ARHGAP18: variants seen among roughly 807,000 people sequenced by gnomAD.
The protein encoded by ARHGAP18 is rho GTPase-activating protein 18.
Under a neutral mutation model 86.2 loss-of-function variants are expected in ARHGAP18, and 67 were observed. The observed-to-expected ratio is 0.78, with a 90% confidence interval of 0.64 to 0.95. The LOEUF is 0.95. Ranked by LOEUF, ARHGAP18 falls within the 40% of genes least tolerant of loss-of-function variation. The pLI, the probability that ARHGAP18 is intolerant of heterozygous loss-of-function variation, is 0.00. For synonymous variants in ARHGAP18, 283 were observed against 280.4 expected, an observed-to-expected ratio of 1.01 and a Z score of -0.09; for missense variants, 691 against 780.4, an observed-to-expected ratio of 0.89 and a Z score of 1.37.
chr6:129,687,787 A>G (rs2051632), intron 1 of ARHGAP18, among the ~76,000 whole-genome samples: 75,053 of 145,504 alleles, frequency 0.52, 18,764 homozygotes, highest in Admixed American at 0.57. Flanking sequence ...TAGTAACCAA[A>G]CATTTTTTTT....
Position 129,608,064 on chromosome 6 carries a change from GAAAAAAAAAAAA to G in ARHGAP18, c.1123-24_1123-13del. 1.0e-6 allele frequency: 1 copy of G among 981,364 alleles called. No homozygotes were observed. 60.8% of individuals were successfully genotyped at this position (981,364 alleles called of 1,614,324 possible). A position where few individuals can be genotyped will look rare whatever the true frequency, so the allele number is the denominator to read the frequency against. Reference sequence around the variant, plus strand: ...TCTTGGCAAAGATTCTGATAGGCACGAAAAAAAAAAAAAAAAAAAAAAGAAGCAGCTAGAAGT... The same window carrying G: ...TCTTGGCAAAGATTCTGATAGGCACGAAAAAAAAAAGAAGCAGCTAGAAGT... On this transcript the variant is annotated splice_polypyrimidine_tract_variant and intron_variant, in intron 8 of 14. Coordinates refer to ENST00000368149, the MANE Select transcript of ARHGAP18 (RefSeq NM_033515.3).
intron 8 of ARHGAP18, among the ~76,000 whole-genome samples, chr6:129,610,326 C>A (rs1788950753): frequency 6.6e-6 from 1 of 152,202 alleles, no homozygotes; most frequent in Non-Finnish European, 1.5e-5. Flanking sequence ...GAAGCTTTAT[C>A]CCCCAGGCCA....
rs780873132 is a variant in ARHGAP18 at position 129,642,036 on chromosome 6, C to A, written c.114-18G>T. On this transcript the variant is annotated intron_variant, in intron 1 of 14. Coordinates refer to ENST00000368149, the MANE Select transcript of ARHGAP18 (RefSeq NM_033515.3). Reference sequence around the variant, plus strand: ...ATCTGCGACTGTAAATTCAAAAGAACCCATGGTTTATTTTAGTACAAAAGG... The same window carrying A: ...ATCTGCGACTGTAAATTCAAAAGAAACCATGGTTTATTTTAGTACAAAAGG... 9.9e-6 allele frequency: 16 copies of A among 1,608,962 alleles called. No individual in the cohort carries two copies. Among genetic ancestry groups the A allele is most frequent in the Non-Finnish European group, 1.4e-5 (16 of 1,176,424 alleles).
At chr6:129,685,431 T>C (rs972263620) in intron 1 of ARHGAP18, among the ~76,000 whole-genome samples, 5 of 151,876 alleles carry the variant, frequency 3.3e-5, no homozygotes, top group African/African-American at 1.2e-4. Flanking sequence ...CACTTAAACC[T>C]GGGAGCCAGG....
intron 1 of ARHGAP18, among the ~76,000 whole-genome samples, chr6:129,708,985 A>G (rs1260432495): frequency 2.0e-5 from 3 of 152,222 alleles, no homozygotes; most frequent in Admixed American, 1.3e-4. Flanking sequence ...CTGGGAGTCT[A>G]ACACTGAGTA....
At chr6:129,684,522 G>T (rs6920979) in intron 1 of ARHGAP18, among the ~76,000 whole-genome samples, 51,694 of 152,080 alleles carry the variant, frequency 0.34, 9,273 homozygotes, top group South Asian at 0.46. Flanking sequence ...GTAGGGCAAA[G>T]TTTTGAAAGT....
Position 129,641,829 on chromosome 6 carries a change from G to T in ARHGAP18, c.303C>A (p.Val101=). ...NSQEDQEVVV[V]KEPDEGELEE... is the part of the protein sequence containing the mutation. ...GTTAGTTATTACCATCAGGCTCTTT[G>T]ACAACAACCACCTCTTGATCTTCTT... The change falls in exon 2 of 15, where the codon GTC becomes GTA. Residue 101 remains valine, a synonymous_variant. Transcript: ENST00000368149. 6.2e-7 allele frequency: 1 copy of T among 1,612,984 alleles called. No individual in the cohort carries two copies. Among genetic ancestry groups the T allele is most frequent in the South Asian group, 1.1e-5 (1 of 90,958 alleles).
intron 1 of ARHGAP18, among the ~76,000 whole-genome samples, chr6:129,693,483 TCTG>T (rs1486788998): frequency 6.6e-6 from 1 of 152,150 alleles, no homozygotes; most frequent in African/African-American, 2.4e-5. Context: ...GGCTTTCTCT[TCTG>T]CTCTATCTAC....
intron 12 of ARHGAP18, among the ~76,000 whole-genome samples, chr6:129,590,918 T>C (rs1216241882): frequency 6.6e-6 from 1 of 152,206 alleles, no homozygotes; most frequent in Non-Finnish European, 1.5e-5. Context: ...TTTGACTCAA[T>C]ATGGATATAC....
intron 1 of ARHGAP18, among the ~76,000 whole-genome samples, chr6:129,695,871 C>T (rs1774608595): frequency 6.6e-6 from 1 of 152,150 alleles, no homozygotes; most frequent in Non-Finnish European, 1.5e-5. Flanking sequence ...CCACCCGCCC[C>T]ACCCACCTAC....
At chr6:129,613,000 G>A (rs558123161) in intron 7 of ARHGAP18, among the ~76,000 whole-genome samples, 2 of 152,144 alleles carry the variant, frequency 1.3e-5, no homozygotes, top group Admixed American at 6.5e-5. Context: ...TTGGGAGGGC[G>A]AGGCGGGCGG....
Position 129,618,686 on chromosome 6 carries a change from C to A in ARHGAP18, c.952+1G>T. On this transcript the variant is annotated splice_donor_variant, in intron 6 of 14. Coordinates refer to ENST00000368149, the MANE Select transcript of ARHGAP18 (RefSeq NM_033515.3). LOFTEE classifies it high-confidence loss of function. ...CCAAGGGTTTATCATTTCATGATTA[C>A]CTTTTGTTTTGATTTTCACAGCTTT... 2.5e-6 allele frequency: 4 copies of A among 1,601,042 alleles called. No individual in the cohort carries two copies. Among genetic ancestry groups the A allele is most frequent in the Non-Finnish European group, 3.4e-6 (4 of 1,173,014 alleles).
intron 12 of ARHGAP18, among the ~76,000 whole-genome samples, chr6:129,597,085 G>A (rs1304922896): frequency 6.6e-6 from 1 of 151,310 alleles, no homozygotes; most frequent in African/African-American, 2.4e-5. Flanking sequence ...TGCTTTGTGT[G>A]TCTATTTACT....
At chr6:129,609,628 C>T (rs1053116690) in intron 8 of ARHGAP18, among the ~76,000 whole-genome samples, 16 of 151,122 alleles carry the variant, frequency 1.1e-4, no homozygotes, top group African/African-American at 3.0e-4. Context: ...TAAAAGAACT[C>T]GTCTCAGAAT....
chr6:129,619,689 G>T (rs118100244), intron 5 of ARHGAP18, among the ~76,000 whole-genome samples: 1 of 149,122 alleles, frequency 6.7e-6, no homozygotes, highest in Non-Finnish European at 1.5e-5. Flanking sequence ...AGACAAGTAG[G>T]GGGGAGAGAA....
chr6:129,589,958 G>T (rs771819875), intron 12 of ARHGAP18, among the ~76,000 whole-genome samples: 1 of 152,166 alleles, frequency 6.6e-6, no homozygotes, highest in Non-Finnish European at 1.5e-5. Flanking sequence ...AAACATTGAA[G>T]AACTTGGAGT....
At chr6:129,657,429 TAAAAAAAA>T (rs373569721) in intron 1 of ARHGAP18, among the ~76,000 whole-genome samples, 1 of 136,636 alleles carries the variant, frequency 7.3e-6, no homozygotes, top group African/African-American at 2.7e-5. Context: ...TTTTTGAAAT[TAAAAAAAA>T]AAAAAAAACA....
intron 11 of ARHGAP18, among the ~76,000 whole-genome samples, chr6:129,599,562 G>A (rs755034128): frequency 2.6e-5 from 4 of 152,076 alleles, no homozygotes; most frequent in Non-Finnish European, 5.9e-5. Flanking sequence ...GGGCATCCAC[G>A]TGGTATAATT....
chr6:129,625,165 T>G (rs201797379), intron 5 of ARHGAP18, among the ~76,000 whole-genome samples: 47,629 of 51,566 alleles, frequency 0.92, 21,981 homozygotes, highest in East Asian at 0.99. Context: ...AGATATATAT[T>G]ATATATGATA....
Sources: allele counts gnomAD v4.1 joint callset (sites outside exome capture counted in the v4.1 genomes callset), GRCh38; gene constraint gnomAD v4.1.1; transcripts MANE v1.5; gene names NCBI Gene and HGNC (gene_info 2026-07-23, HGNC 2026-07-21).